ABCG2: variants seen among roughly 807,000 people sequenced by gnomAD.
ABCG2 encodes the protein broad substrate specificity ATP-binding cassette transporter ABCG2.
A neutral mutation model predicts 73.5 loss-of-function variants in ABCG2; 80 were observed. The observed-to-expected ratio is 1.09, with a 90% CI of 0.91 to 1.31. ABCG2 has a LOEUF of 1.31. Ranked by LOEUF, ABCG2 falls within the 50% of genes most tolerant of loss-of-function variation. The pLI is 0.00. For synonymous variants in ABCG2, 269 were observed against 282.4 expected (o/e 0.95, Z 0.48); for missense variants, 796 against 786.2 (o/e 1.01, Z -0.15).
chr4:88,141,448 T>G (rs914445311), intron 1 of ABCG2, among the ~76,000 whole-genome samples: 2 of 152,180 alleles, frequency 1.3e-5, no homozygotes, highest in Non-Finnish European at 2.9e-5. Flanking sequence ...TGAGCAGATA[T>G]TTCAGCAGTC....
At position 88,202,350 on chromosome 4, in the gene ABCG2, TTATTTATATATATATATA is replaced by T. The variant is rs1316333566; in HGVS notation, c.-20+28626_-20+28643del. On this transcript the variant is annotated intron_variant, in intron 1 of 15. Coordinates refer to the ABCG2 transcript ENST00000515655. Reference sequence around the variant, plus strand: ...ACATAGGAGGACCCCATCTCTACAATTATTTATATATATATATATATATATATGTATATTTTAATTAGC... The same window carrying T: ...ACATAGGAGGACCCCATCTCTACAATTATATATATGTATATTTTAATTAGC... Among the ~76,000 whole-genome samples the T allele has an allele frequency of 1.1e-4, 4 of 35,394 alleles. No homozygotes were observed. In the Middle Eastern group the frequency reaches 0.05, roughly 442 times the overall value. The allele number at this position is 35,394 out of a possible 152,430, so 23.2% of individuals were successfully genotyped here.
chr4:88,196,868 C>T (rs1019349936), intron 1 of ABCG2, among the ~76,000 whole-genome samples: 2 of 151,588 alleles, frequency 1.3e-5, no homozygotes, highest in Non-Finnish European at 2.9e-5. Flanking sequence ...ACATTCTGTT[C>T]TCCTTAACAA....
chr4:88,125,371 G>A (rs1485674405), intron 5 of ABCG2, among the ~76,000 whole-genome samples: 1 of 151,068 alleles, frequency 6.6e-6, no homozygotes, highest in Non-Finnish European at 1.5e-5. Flanking sequence ...CACTTTGGGA[G>A]GCCGAGGCAG....
In ABCG2 at chr4:88,167,303, T is replaced by C. The variant is rs534852879; in HGVS notation, c.-19-27289A>G. ...TCTTGGCTGCCTGCATTTCTTCCCA[T>C]GTGGCCCCTCCACTTTCAAAACAGT... On this transcript the variant is annotated intron_variant, in intron 1 of 15. Transcript: ENST00000515655. Among the ~76,000 whole-genome samples, 17 of 151,868 alleles carry C rather than the reference T, an allele frequency of 1.1e-4. No homozygotes were observed. The South Asian group carries it at 3.5e-3, about 32-fold the overall frequency.
chr4:88,170,768 A>C (rs560920474), intron 1 of ABCG2, among the ~76,000 whole-genome samples: 2 of 152,376 alleles, frequency 1.3e-5, no homozygotes, highest in African/African-American at 4.8e-5. Context: ...TCTTCATTCC[A>C]CAGGCAGCGA....
At chr4:88,101,605 G>T (rs141518597) in intron 10 of ABCG2, among the ~76,000 whole-genome samples, 2,251 of 152,270 alleles carry the variant, frequency 0.015, 69 homozygotes, top group African/African-American at 0.051. Context: ...CCCCCAATGT[G>T]ATGGTATTTG....
chr4:88,170,602 G>C (rs1727720629), intron 1 of ABCG2, among the ~76,000 whole-genome samples: 1 of 152,182 alleles, frequency 6.6e-6, no homozygotes, highest in African/African-American at 2.4e-5. Context: ...TAGCCCCCTT[G>C]CCTCTCCGGC....
intron 10 of ABCG2, among the ~76,000 whole-genome samples, chr4:88,103,297 G>C (rs186737465): frequency 1.1e-4 from 16 of 152,258 alleles, no homozygotes; most frequent in Non-Finnish European, 1.9e-4. Flanking sequence ...GTAGACAATG[G>C]AAACGTTCCT....
At chr4:88,180,573 A>G (rs368656964) in intron 1 of ABCG2, among the ~76,000 whole-genome samples, 27 of 152,160 alleles carry the variant, frequency 1.8e-4, no homozygotes, top group African/African-American at 6.5e-4. Context: ...TGCCTCTACA[A>G]AAAAAAATTT....
chr4:88,132,911 G>T (rs975201349), intron 2 of ABCG2, among the ~76,000 whole-genome samples: 1 of 138,638 alleles, frequency 7.2e-6, no homozygotes, highest in Admixed American at 7.2e-5. Context: ...TCTACTTAAA[G>T]AAAAAAAAAA....
chr4:88,220,332 T>C (rs964511982), intron 1 of ABCG2, among the ~76,000 whole-genome samples: 2 of 152,166 alleles, frequency 1.3e-5, no homozygotes, highest in South Asian at 4.1e-4. Context: ...TATCTAGAAG[T>C]GGAATTGTGG....
At chr4:88,144,271 T>C (rs933006518) in intron 1 of ABCG2, among the ~76,000 whole-genome samples, 1 of 152,180 alleles carries the variant, frequency 6.6e-6, no homozygotes, top group African/African-American at 2.4e-5. Context: ...AGCCGATTCA[T>C]GTTATTTGGC....
At chr4:88,208,999 C>CA (rs199515765) in intron 1 of ABCG2, among the ~76,000 whole-genome samples, 579 of 150,182 alleles carry the variant, frequency 3.9e-3, no homozygotes, top group African/African-American at 0.011. Flanking sequence ...GAGACTGTCT[C>CA]AAAAAAAACA....
In ABCG2 at chr4:88,115,045, C is replaced by A; in HGVS notation, c.855G>T (p.Glu285Asp). 2 of 1,610,168 alleles carry A rather than the reference C, an allele frequency of 1.2e-6. No homozygotes were observed. The highest frequency in any genetic ancestry group is 1.7e-6 in the Non-Finnish European group (2 of 1,177,094). The change falls in exon 8 of 16, where the codon GAG becomes GAT. Residue 285 changes from glutamate to aspartate, a missense_variant. Glu to Asp is a conservative substitution (Grantham distance 45). Transcript: ENST00000237612. ...GYFESAGYHC[E>D]AYNNPADFFL... ...AGAAGTCTGCAGGGTTATTATAGGCCTCACAGTGATAACCTATGAAAGAAG... is the reference window on the plus strand; with the variant it reads ...AGAAGTCTGCAGGGTTATTATAGGCATCACAGTGATAACCTATGAAAGAAG...
intron 1 of ABCG2, among the ~76,000 whole-genome samples, chr4:88,183,330 T>C (rs1308881398): frequency 1.3e-5 from 2 of 151,460 alleles, no homozygotes; most frequent in East Asian, 1.9e-4. Flanking sequence ...TTAGCCAGAC[T>C]AATGAAGAAA....
In ABCG2 at chr4:88,091,502, A is replaced by T. The variant is rs573606248; in HGVS notation, c.*732T>A. ...AGTTCCTCAGATGATTCTGACGCAC[A>T]CCTGGATTATAAACCACTAAACCAC... is the stretch of plus-strand genomic sequence containing the variant. On this transcript the variant is annotated 3_prime_UTR_variant, in exon 16 of 16. Transcript: ENST00000237612. 6.6e-6 allele frequency: 1 copy of T among 152,276 alleles called. No homozygotes were observed. Among genetic ancestry groups the T allele is most frequent in the East Asian group, 1.9e-4 (1 of 5,178 alleles). 9.4% of individuals were successfully genotyped at this position (152,276 alleles called of 1,614,324 possible).
chr4:88,159,022 G>C (rs1056519303), upstream of ABCG2: 1 of 390,816 alleles, frequency 2.6e-6, no homozygotes, highest in African/African-American at 2.1e-5. Context: ...GGCTGAAAGC[G>C]CACACGTGTC....
chr4:88,213,479 C>T (rs1729681719), intron 1 of ABCG2, among the ~76,000 whole-genome samples: 1 of 152,094 alleles, frequency 6.6e-6, no homozygotes, highest in Non-Finnish European at 1.5e-5. Context: ...TATTACCCTA[C>T]CCTAGAGGAA....
At chr4:88,189,253 T>C (rs1728587622) in intron 1 of ABCG2, among the ~76,000 whole-genome samples, 3 of 152,126 alleles carry the variant, frequency 2.0e-5, no homozygotes, top group Non-Finnish European at 4.4e-5. Flanking sequence ...GAGTATAAAA[T>C]GCAACTAGGC....
Sources: gnomAD v4.1 joint callset for allele counts (sites outside exome capture counted in the v4.1 genomes callset) on GRCh38, gnomAD v4.1.1 for gene constraint, MANE v1.5 for transcripts, NCBI Gene and HGNC (gene_info 2026-07-23, HGNC 2026-07-21) for gene names.